The following BBS2 variants were observed in gnomAD, a reference collection of about 807,000 sequenced individuals.
BBS2 encodes the protein BBSome complex member BBS2.
Under a neutral mutation model 83.0 loss-of-function variants are expected in BBS2, and 62 were observed. That is an observed-to-expected ratio of 0.75 (90% CI 0.61 to 0.92). BBS2 has a LOEUF of 0.92. Among genes scored for constraint, BBS2 ranks in the 40% least tolerant of loss-of-function variants. The pLI, the probability that BBS2 is intolerant of heterozygous loss-of-function variation, is 0.00. For synonymous variants in BBS2, 303 were observed against 326.1 expected (o/e 0.93, Z 0.76); for missense variants, 784 against 901.0 (o/e 0.87, Z 1.66).
At chr16:56,509,885 A>C in intron 5 of BBS2, 72 bp downstream of exon 5, 1 of 1,527,870 alleles carries the variant, frequency 6.5e-7, no homozygotes, top group Non-Finnish European at 9.1e-7. Context: ...CAGCACTCTC[A>C]CTTGATGTTT....
Position 56,506,190 on chromosome 16 carries a change from C to T in BBS2, c.647G>A (p.Arg216Gln), listed in dbSNP as rs374487957. The T allele has an allele frequency of 1.2e-6, 2 of 1,613,972 alleles. No homozygotes were observed. The highest frequency in any genetic ancestry group is 1.7e-5 in the Admixed American group (1 of 60,022). ...VTSLCPMYGSRFGYALSNGTV... is the reference protein window; with the variant it reads ...VTSLCPMYGSQFGYALSNGTV... Reference sequence around the variant, plus strand: ...GCCATTGGAAAGGGCATAACCAAATCGACTGCCATACATGGGACAAAGAGA... The same window carrying T: ...GCCATTGGAAAGGGCATAACCAAATTGACTGCCATACATGGGACAAAGAGA... The change falls in exon 6 of 17, where the codon CGA becomes CAA. Residue 216 changes from arginine to glutamine, a missense_variant. Physicochemically the swap from Arg to Gln is conservative, Grantham distance 43 (BLOSUM62 1). Transcript: ENST00000245157.
chr16:56,480,770 G>A (rs1287827183), downstream of BBS2, among the ~76,000 whole-genome samples: 1 of 152,194 alleles, frequency 6.6e-6, no homozygotes, highest in Non-Finnish European at 1.5e-5. Context: ...AAAGGGTCGA[G>A]GAGATCTAGT....
intron 9 of BBS2, chr16:56,501,954 C>G (rs1388853262): frequency 5.3e-6 from 2 of 378,320 alleles, no homozygotes; most frequent in Non-Finnish European, 1.0e-5. Context: ...CCTTTTGTCA[C>G]TTGGTAAGAC....
Position 56,509,981 on chromosome 16 carries a change from A to G in BBS2, c.588T>C (p.Ile196=). ...FDIRVFKEDE[I]VAEMTETEIV... ...CCTCTGTTTCTGTCATTTCTGCCACAATCTCATCTTCCTTAAAAACTCGGA... is the reference window on the plus strand; with the variant it reads ...CCTCTGTTTCTGTCATTTCTGCCACGATCTCATCTTCCTTAAAAACTCGGA... The change falls in exon 5 of 17, where the codon ATT becomes ATC. Residue 196 remains isoleucine (I), a synonymous_variant. Transcript: ENST00000245157. 2 of 1,614,136 alleles carry G rather than the reference A, an allele frequency of 1.2e-6. No homozygotes were observed. The highest frequency in any genetic ancestry group is 1.1e-5 in the South Asian group (1 of 91,082).
exon 18 of BBS2, chr16:56,470,666 T>A: frequency 6.2e-7 from 1 of 1,614,100 alleles, no homozygotes; most frequent in Non-Finnish European, 8.5e-7. Context: ...ACCACTGATA[T>A]CACTGAAGAA....
chr16:56,486,088 T>C (rs1471498925), intron 15 of BBS2, among the ~76,000 whole-genome samples: 3 of 152,212 alleles, frequency 2.0e-5, no homozygotes, highest in East Asian at 3.8e-4. Context: ...AGTGGCCTGG[T>C]TGACAACTCA....
At chr16:56,483,182 T>C (rs778142283), downstream of BBS2, among the ~76,000 whole-genome samples, 2 of 152,208 alleles carry the variant, frequency 1.3e-5, no homozygotes, top group Non-Finnish European at 2.9e-5. Context: ...TGTAGGAAAC[T>C]GTAACATAAT....
intron 14 of BBS2, chr16:56,497,408 A>G (rs1597012155): frequency 6.1e-6 from 3 of 488,592 alleles, no homozygotes; most frequent in East Asian, 3.9e-5. Flanking sequence ...TTGCTCTTTT[A>G]TCTTGAATTT....
rs1303728197 is a variant in BBS2, at chr16:56,499,918, T to C, written c.1398-11A>G. 1 of 1,613,866 alleles carries C rather than the reference T, an allele frequency of 6.2e-7. No homozygotes were observed. Among genetic ancestry groups the C allele is most frequent in the Non-Finnish European group, 8.5e-7 (1 of 1,179,868 alleles). On this transcript the variant is annotated splice_polypyrimidine_tract_variant and intron_variant, in intron 11 of 16. Coordinates refer to ENST00000245157, the MANE Select transcript of BBS2 (RefSeq NM_031885.5). The stretch of plus-strand genomic sequence containing the variant: ...ACATGAAACTGGGTGCTATGGCCAA[T>C]CAATGAAACACAAGAGAATTGTTTT...
chr16:56,511,291 AAAGT>A lies in BBS2; in HGVS notation c.346-11_346-8del. 6.2e-7 allele frequency: 1 copy of A among 1,613,878 alleles called. No individual in the cohort carries two copies. Among genetic ancestry groups the A allele is most frequent in the Non-Finnish European group, 8.5e-7 (1 of 1,179,968 alleles). On this transcript the variant is annotated splice_region_variant and splice_polypyrimidine_tract_variant and intron_variant, in intron 2 of 16. Transcript: ENST00000245157. ...CATTTGCCCCATCTGCTACCTAAGAAAAGTAAAAGGACACATTATCTTAGACACG... is the reference window on the plus strand; with the variant it reads ...CATTTGCCCCATCTGCTACCTAAGAAAAAAGGACACATTATCTTAGACACG...
chr16:56,471,920 C>T (rs1315953318), intron 17 of BBS2, among the ~76,000 whole-genome samples: 1 of 152,132 alleles, frequency 6.6e-6, no homozygotes, highest in East Asian at 1.9e-4. Context: ...TGGAGTCTGT[C>T]TCAAAGGGAT....
chr16:56,505,706 T>A (rs1964402131), intron 7 of BBS2, among the ~76,000 whole-genome samples: 1 of 152,214 alleles, frequency 6.6e-6, no homozygotes, highest in South Asian at 2.1e-4. Flanking sequence ...AATAAGAGAT[T>A]TAGACAGAAT....
intron 16 of BBS2, among the ~76,000 whole-genome samples, chr16:56,485,228 T>A (rs1963742010): frequency 6.6e-6 from 1 of 152,208 alleles, no homozygotes; most frequent in South Asian, 2.1e-4. Context: ...CTTTTCTAAA[T>A]TTTTAAGTTA....
intron 17 of BBS2, among the ~76,000 whole-genome samples, chr16:56,471,997 T>C (rs560379849): frequency 7.2e-5 from 11 of 152,230 alleles, no homozygotes; most frequent in Non-Finnish European, 1.5e-4. Context: ...GGTCTTGCAC[T>C]GTCACCCAGG....
chr16:56,487,911 G>A (rs1963826305), intron 15 of BBS2, among the ~76,000 whole-genome samples: 1 of 152,304 alleles, frequency 6.6e-6, no homozygotes, highest in East Asian at 1.9e-4. Flanking sequence ...AGTTGCCAGA[G>A]CTAAAGGGAA....
At chr16:56,502,626 C>A in intron 8 of BBS2, 47 bp downstream of exon 8, 1 of 1,613,948 alleles carries the variant, frequency 6.2e-7, no homozygotes, top group South Asian at 1.1e-5. Flanking sequence ...TTGACCCAAT[C>A]AAATGGAAAA....
Position 56,484,748 on chromosome 16 carries a change from G to GTAT in BBS2, c.*10_*12dup. 6.2e-7 allele frequency: 1 copy of GTAT among 1,609,058 alleles called. No homozygotes were observed. Among genetic ancestry groups the GTAT allele is most frequent in the African/African-American group, 1.3e-5 (1 of 74,928 alleles). ...ATCTTTGCCAGGAACTTCATGACCT[G>GTAT]TATTTTCCTCACCTAGGAAGAAGCT... is the stretch of plus-strand genomic sequence containing the variant. On this transcript the variant is annotated 3_prime_UTR_variant, in exon 17 of 17. Coordinates refer to ENST00000245157, the MANE Select transcript of BBS2 (RefSeq NM_031885.5).
chr16:56,499,523 G>A (rs1028018926), intron 12 of BBS2: 7 of 428,932 alleles, frequency 1.6e-5, no homozygotes, highest in Non-Finnish European at 8.7e-6. Flanking sequence ...AGACCATAAC[G>A]GAAAGAGAGG....
At chr16:56,482,495 G>A (rs1596999958), downstream of BBS2, among the ~76,000 whole-genome samples, 1 of 152,112 alleles carries the variant, frequency 6.6e-6, no homozygotes, top group South Asian at 2.1e-4. Context: ...TTTGGAGATT[G>A]AAAATAATAC....
Sources: gnomAD v4.1 joint callset for allele counts (sites outside exome capture counted in the v4.1 genomes callset) on GRCh38, gnomAD v4.1.1 for gene constraint, MANE v1.5 for transcripts, NCBI Gene and HGNC (gene_info 2026-07-23, HGNC 2026-07-21) for gene names.